Variants in LAMA2 observed in about 807,000 individuals in gnomAD.
LAMA2 encodes laminin subunit alpha 2.
Under a neutral mutation model 364.8 loss-of-function variants are expected in LAMA2, and 269 were observed. The ratio of observed to expected loss-of-function variants is 0.74; its 90% confidence interval spans 0.67 to 0.82. The LOEUF (loss-of-function observed/expected upper bound fraction) is 0.82, where lower values mean the gene tolerates loss of function less well. LAMA2 is among the 40% of genes least tolerant of loss of function. The pLI, the probability that LAMA2 is intolerant of heterozygous loss-of-function variation, is 0.00. For synonymous variants in LAMA2, 1,379 were observed against 1,370.6 expected, an observed-to-expected ratio of 1.01 and a Z score of -0.14; for missense variants, 3,807 against 3,873.2, an observed-to-expected ratio of 0.98 and a Z score of 0.45.
chr6:129,256,959 GACA>G (rs1275056817), intron 14 of LAMA2, among the ~76,000 whole-genome samples: 2 of 151,306 alleles, frequency 1.3e-5, no homozygotes, highest in African/African-American at 4.8e-5. Flanking sequence ...GCAGCACCAA[GACA>G]ACGTTTCTGA....
rs1250776799 is a variant in LAMA2, at chr6:128,974,915, G to A, written c.113-75003G>A. Reference sequence around the variant, plus strand: ...TGCCCAGGCTGGAGTGCAGTGGCACGATCTTGGTTCACTGCAAGCTCCGCC... The same window carrying A: ...TGCCCAGGCTGGAGTGCAGTGGCACAATCTTGGTTCACTGCAAGCTCCGCC... On this transcript the variant is annotated intron_variant, in intron 1 of 64. Transcript: ENST00000421865. Among the ~76,000 whole-genome samples, 4 of 150,116 alleles carry A rather than the reference G, an allele frequency of 2.7e-5. No individual in the cohort carries two copies. The East Asian group carries it at 5.9e-4, about 22-fold the overall frequency.
At chr6:129,206,112 GGA>G (rs1562331084) in intron 12 of LAMA2, among the ~76,000 whole-genome samples, 1,534 of 96,890 alleles carry the variant, frequency 0.016, 13 homozygotes, top group African/African-American at 0.026. Flanking sequence ...GAGGGAGGAA[GGA>G]AGGAAGGAAG....
At chr6:129,178,531 C>T (rs564724496) in intron 10 of LAMA2, among the ~76,000 whole-genome samples, 1 of 152,140 alleles carries the variant, frequency 6.6e-6, no homozygotes, top group Non-Finnish European at 1.5e-5. Context: ...GACTGATTTA[C>T]TTTACCTATA....
chr6:129,118,208 CT>C (rs1776586121), intron 4 of LAMA2, among the ~76,000 whole-genome samples: 1 of 152,138 alleles, frequency 6.6e-6, no homozygotes, highest in South Asian at 2.1e-4. Context: ...TAGCATTGTG[CT>C]GGAGAAGAAT....
chr6:129,338,540 A>G (rs1374188352), intron 29 of LAMA2, among the ~76,000 whole-genome samples: 1 of 152,174 alleles, frequency 6.6e-6, no homozygotes, highest in East Asian at 1.9e-4. Flanking sequence ...ATGGCAAAAT[A>G]TGACAAATCA....
At chr6:129,101,535 T>C (rs1296189829) in intron 4 of LAMA2, among the ~76,000 whole-genome samples, 1 of 152,242 alleles carries the variant, frequency 6.6e-6, no homozygotes, top group Non-Finnish European at 1.5e-5. Context: ...TCAGTAGTTT[T>C]ACTATGATGC....
chr6:129,345,675 CA>C (rs2114576099), intron 30 of LAMA2, among the ~76,000 whole-genome samples: 1 of 152,142 alleles, frequency 6.6e-6, no homozygotes, highest in South Asian at 2.1e-4. Flanking sequence ...CAGAAACACA[CA>C]AAAACTTGTG....
At chr6:129,126,535 T>A (rs1472038720) in intron 4 of LAMA2, among the ~76,000 whole-genome samples, 2 of 151,032 alleles carry the variant, frequency 1.3e-5, no homozygotes, top group Non-Finnish European at 2.9e-5. Context: ...TGTACAATTC[T>A]ACTGGTAAGA....
chr6:129,047,201 T>A (rs1242094552), intron 1 of LAMA2, among the ~76,000 whole-genome samples: 1 of 152,010 alleles, frequency 6.6e-6, no homozygotes, highest in African/African-American at 2.4e-5. Context: ...TAAAAAAAAA[T>A]AAGGTAAAAA....
At chr6:129,390,976 A>G (rs1779284867) in intron 35 of LAMA2, among the ~76,000 whole-genome samples, 1 of 152,142 alleles carries the variant, frequency 6.6e-6, no homozygotes, top group Non-Finnish European at 1.5e-5. Flanking sequence ...AGTCTAGACC[A>G]GTGCTTCTTT....
rs547882651 is a variant in LAMA2 at position 128,921,697 on chromosome 6, G to GTTTTTTTT, written c.112+38349_112+38356dup. Among the ~76,000 whole-genome samples, 47 of 118,044 alleles carry GTTTTTTTT rather than the reference G, an allele frequency of 4.0e-4. 1 individual carries two copies. The highest frequency in any genetic ancestry group is 1.7e-3 in the African/African-American group (45 of 26,712). The allele number at this position is 118,044 out of a possible 152,430, so 77.4% of individuals were successfully genotyped here. A position where few individuals can be genotyped will look rare whatever the true frequency, so the allele number is the denominator to read the frequency against. ...CTCCTGAACTGTGAAATGAATGTCT[G>GTTTTTTTT]TTTTTTTTTTTTTTTTATTATTATT... On this transcript the variant is annotated intron_variant, in intron 1 of 64. Transcript: ENST00000421865.
At chr6:129,048,957 T>A (rs966371116) in intron 1 of LAMA2, among the ~76,000 whole-genome samples, 5 of 152,072 alleles carry the variant, frequency 3.3e-5, no homozygotes, top group Non-Finnish European at 7.4e-5. Context: ...ATAGACCTAC[T>A]TGGCACATAT....
At chr6:129,493,925 T>C (rs1785015456) in intron 58 of LAMA2, among the ~76,000 whole-genome samples, 1 of 152,194 alleles carries the variant, frequency 6.6e-6, no homozygotes, top group Admixed American at 6.5e-5. Context: ...GTTTCCAGTT[T>C]TTCACTATTA....
intron 3 of LAMA2, among the ~76,000 whole-genome samples, chr6:129,069,645 A>T (rs7772004): frequency 0.95 from 141,242 of 148,426 alleles, 67,285 homozygotes; most frequent in East Asian, 0.97. Context: ...AGAGGGTATG[A>T]GGAAAGTTTC....
chr6:129,215,775 C>T (rs1783389483), intron 12 of LAMA2, among the ~76,000 whole-genome samples: 1 of 152,092 alleles, frequency 6.6e-6, no homozygotes, highest in Non-Finnish European at 1.5e-5. Flanking sequence ...ACTCATGAGA[C>T]ACTGGATATG....
At position 129,185,988 on chromosome 6, in the gene LAMA2, G is replaced by C. The variant is rs959219893; in HGVS notation, c.1468-4217G>C. On this transcript the variant is annotated intron_variant, in intron 10 of 64. Coordinates refer to ENST00000421865, the MANE Select transcript of LAMA2 (RefSeq NM_000426.4). The stretch of plus-strand genomic sequence containing the variant: ...ATTACCGTGTTTTATAGGCTGTAGT[G>C]TGAAAATTATCATTAAATACGCAAA... 3.3e-5 allele frequency among the ~76,000 whole-genome samples: 5 copies of C among 151,764 alleles called. No homozygotes were observed. The East Asian group carries it at 9.6e-4, about 29-fold the overall frequency.
At chr6:129,293,477 G>A (rs770421263) in intron 20 of LAMA2, among the ~76,000 whole-genome samples, 1 of 152,140 alleles carries the variant, frequency 6.6e-6, no homozygotes, top group Non-Finnish European at 1.5e-5. Context: ...CCATTTATCA[G>A]GCATTTCATC....
intron 41 of LAMA2, among the ~76,000 whole-genome samples, chr6:129,433,969 A>C (rs1477924780): frequency 6.6e-6 from 1 of 152,156 alleles, no homozygotes; most frequent in East Asian, 1.9e-4. Context: ...CCATATGTAA[A>C]AAGGGACAGA....
chr6:129,503,341 ATT>A (rs1346221718), intron 60 of LAMA2, 61 bp downstream of exon 60: 1 of 1,475,576 alleles, frequency 6.8e-7, no homozygotes, highest in Non-Finnish European at 9.4e-7. Flanking sequence ...AGCCATCAGC[ATT>A]CTCCTGGTGC....
Sources: allele counts gnomAD v4.1 joint callset (sites outside exome capture counted in the v4.1 genomes callset), GRCh38; gene constraint gnomAD v4.1.1; transcripts MANE v1.5; gene names NCBI Gene and HGNC (gene_info 2026-07-23, HGNC 2026-07-21).